Variants in UVRAG observed in about 807,000 individuals in gnomAD.
UVRAG encodes the protein UV radiation resistance associated.
A neutral mutation model predicts 78.0 loss-of-function variants in UVRAG; 19 were observed. The observed-to-expected ratio is 0.24, with a 90% CI of 0.17 to 0.36. The LOEUF (loss-of-function observed/expected upper bound fraction) is 0.36. Among genes scored for constraint, UVRAG ranks in the 10% least tolerant of loss-of-function variants. UVRAG has a pLI of 1.00. For missense variants in UVRAG, 740 were observed against 853.8 expected (o/e 0.87, Z 1.66); for synonymous variants, 323 against 324.6 (o/e 1.00, Z 0.05).
Position 76,141,235 on chromosome 11 carries a change from C to T in UVRAG, c.1922C>T (p.Thr641Ile), listed in dbSNP as rs200438816. 2.8e-4 allele frequency: 452 copies of T among 1,614,162 alleles called. 1 individual carries two copies. Among genetic ancestry groups the T allele is most frequent in the Admixed American group, 5.2e-4 (31 of 60,022 alleles). Residue 641 changes from threonine (T) to isoleucine (I), a missense_variant, in exon 15 of 15, where the codon ACA becomes ATA. Physicochemically the swap from Thr to Ile is moderately conservative, Grantham distance 89. Transcript: ENST00000356136. ...GAAGAAATCATCGGGCTGGAAGCCA[C>T]AGGTTTCGCCTCAGGTGATCAGCTA... ...QAEEIIGLEA[T>I]GFASGDQLEA...
At chr11:76,001,769 G>A (rs1366802496) in intron 8 of UVRAG, among the ~76,000 whole-genome samples, 1 of 152,130 alleles carries the variant, frequency 6.6e-6, no homozygotes, top group Non-Finnish European at 1.5e-5. Context: ...ACAGTAATGA[G>A]TTATAAATCA....
intron 6 of UVRAG, among the ~76,000 whole-genome samples, chr11:75,955,792 G>A (rs1188919196): frequency 6.6e-6 from 1 of 152,282 alleles, no homozygotes; most frequent in East Asian, 1.9e-4. Flanking sequence ...GAAGGCTGAG[G>A]CAGGAAGATC....
chr11:75,967,094 G>C (rs1309753935), intron 7 of UVRAG, among the ~76,000 whole-genome samples: 2 of 152,134 alleles, frequency 1.3e-5, no homozygotes, highest in African/African-American at 4.8e-5. Flanking sequence ...TTTATGCCAA[G>C]TTCTGACTCA....
intron 8 of UVRAG, among the ~76,000 whole-genome samples, chr11:75,990,301 T>C (rs1388646556): frequency 6.6e-6 from 1 of 152,236 alleles, no homozygotes; most frequent in Non-Finnish European, 1.5e-5. Flanking sequence ...GTGTTATCTC[T>C]ACAATGGGGT....
chr11:75,841,063 G>A (rs1366305458), intron 1 of UVRAG, among the ~76,000 whole-genome samples: 3 of 152,136 alleles, frequency 2.0e-5, no homozygotes, highest in Admixed American at 6.5e-5. Flanking sequence ...TTATAACAAA[G>A]TAACAGTAAT....
chr11:75,892,057 T>G (rs1436434684), intron 5 of UVRAG, among the ~76,000 whole-genome samples: 1 of 152,222 alleles, frequency 6.6e-6, no homozygotes, highest in African/African-American at 2.4e-5. Flanking sequence ...ATTCCTTCTA[T>G]ATACTTCCTC....
intron 8 of UVRAG, among the ~76,000 whole-genome samples, chr11:75,999,369 TG>T (rs1359869686): frequency 2.0e-5 from 3 of 151,862 alleles, no homozygotes; most frequent in Admixed American, 6.6e-5. Flanking sequence ...TTTTTTCAGT[TG>T]TTTTTTTGTT....
At chr11:76,028,429 T>C (rs1195034468) in intron 12 of UVRAG, among the ~76,000 whole-genome samples, 1 of 152,130 alleles carries the variant, frequency 6.6e-6, no homozygotes, top group Admixed American at 6.6e-5. Context: ...CTAGGAATGA[T>C]TGAGCTTAAT....
At chr11:75,908,929 A>T (rs143826756) in intron 5 of UVRAG, among the ~76,000 whole-genome samples, 11 of 152,050 alleles carry the variant, frequency 7.2e-5, no homozygotes, top group African/African-American at 2.7e-4. Context: ...GAATACAATT[A>T]ATTGTTCACT....
At chr11:76,070,280 A>T (rs771562587) in intron 13 of UVRAG, among the ~76,000 whole-genome samples, 13 of 152,290 alleles carry the variant, frequency 8.5e-5, no homozygotes, top group Non-Finnish European at 1.9e-4. Flanking sequence ...AGAGAGTAGG[A>T]TAGTGATTCA....
intron 12 of UVRAG, among the ~76,000 whole-genome samples, chr11:76,054,542 GT>G (rs991773326): frequency 6.6e-5 from 10 of 152,080 alleles, no homozygotes; most frequent in African/African-American, 2.2e-4. Context: ...TCATCTCCTG[GT>G]CCTTTTTCCC....
intron 14 of UVRAG, among the ~76,000 whole-genome samples, chr11:76,122,825 G>A (rs1351958605): frequency 6.6e-6 from 1 of 152,036 alleles, no homozygotes; most frequent in African/African-American, 2.4e-5. Context: ...ACTTTTTTTG[G>A]TACCTGCCTT....
intron 6 of UVRAG, among the ~76,000 whole-genome samples, chr11:75,927,359 G>A (rs2135090494): frequency 6.6e-6 from 1 of 152,242 alleles, no homozygotes; most frequent in East Asian, 1.9e-4. Flanking sequence ...GTGAGCCACT[G>A]CACCTGGCCA....
In UVRAG at chr11:76,065,692, C is replaced by T. The variant is rs569667708; in HGVS notation, c.1227-18C>T. ...ACTCAGCTTTTGAAAATATCTGATC[C>T]TTTTTTACCTTTCTTAGGTTTCCAC... On this transcript the variant is annotated intron_variant, in intron 12 of 14. Coordinates refer to ENST00000356136, the MANE Select transcript of UVRAG (RefSeq NM_003369.4). 7.4e-6 allele frequency: 12 copies of T among 1,611,558 alleles called. No homozygotes were observed. The Admixed American group carries it at 1.3e-4, about 18-fold the overall frequency.
At chr11:75,934,556 A>T (rs1948324117) in intron 6 of UVRAG, among the ~76,000 whole-genome samples, 1 of 152,200 alleles carries the variant, frequency 6.6e-6, no homozygotes, top group Admixed American at 6.5e-5. Flanking sequence ...TGGATACCCC[A>T]TTTACCCTGT....
intron 7 of UVRAG, 146 bp from the exon 8 acceptor site, chr11:75,983,241 G>A: frequency 1.5e-6 from 1 of 655,790 alleles, no homozygotes; most frequent in Non-Finnish European, 2.4e-6. Flanking sequence ...GATGGTGCTG[G>A]TAATTAAGTT....
chr11:75,962,482 A>G (rs1330776118), intron 7 of UVRAG, among the ~76,000 whole-genome samples: 1 of 152,202 alleles, frequency 6.6e-6, no homozygotes, highest in East Asian at 1.9e-4. Flanking sequence ...ATATTAGTTC[A>G]AACTGTATAC....
At chr11:75,923,598 GAA>G (rs1239681501) in intron 6 of UVRAG, among the ~76,000 whole-genome samples, 7 of 152,152 alleles carry the variant, frequency 4.6e-5, no homozygotes, top group African/African-American at 1.7e-4. Flanking sequence ...AAATAATTTT[GAA>G]AGTTTTTAGT....
Position 75,920,008 on chromosome 11 carries a change from G to GTTTTTTTTTTTTTTTTTTT in UVRAG, c.593+7986_593+8004dup, listed in dbSNP as rs140217190. 2.0e-4 allele frequency among the ~76,000 whole-genome samples: 11 copies of GTTTTTTTTTTTTTTTTTTT among 55,490 alleles called. 3 individuals carry two copies. The highest frequency in any genetic ancestry group is 5.8e-4 in the African/African-American group (10 of 17,212). 36.4% of individuals were successfully genotyped at this position (55,490 alleles called of 152,430 possible). On this transcript the variant is annotated intron_variant, in intron 6 of 14. Transcript: ENST00000356136. Reference sequence around the variant, plus strand: ...CAAAATTTAAAATAAAATAATTTTGGTTTTTTTTTTTTTTTTTTTTTTTTT... The same window carrying GTTTTTTTTTTTTTTTTTTT: ...CAAAATTTAAAATAAAATAATTTTGGTTTTTTTTTTTTTTTTTTTTTTTTTTTTTTTTTTTTTTTTTTTT...
Sources: gnomAD v4.1 joint callset for allele counts (sites outside exome capture counted in the v4.1 genomes callset) on GRCh38, gnomAD v4.1.1 for gene constraint, MANE v1.5 for transcripts, NCBI Gene and HGNC (gene_info 2026-07-23, HGNC 2026-07-21) for gene names.